The following SLC17A1 variants were observed in gnomAD, a reference collection of about 807,000 sequenced individuals.
SLC17A1 encodes sodium-dependent phosphate transport protein 1.
A neutral mutation model predicts 53.5 loss-of-function variants in SLC17A1; 51 were observed. That is an observed-to-expected ratio of 0.95 (90% CI 0.76 to 1.20). The LOEUF is 1.20. SLC17A1 is among the 50% of genes most tolerant of loss of function. The probability of loss-of-function intolerance (pLI) is 0.00; values close to 1 mark genes in which losing one functional copy is unlikely to be tolerated. For missense variants in SLC17A1, 538 were observed against 568.2 expected (o/e 0.95, Z 0.54); for synonymous variants, 179 against 198.8 (o/e 0.90, Z 0.84).
At chr6:25,778,161 A>G (rs765275566), downstream of SLC17A1, 381 of 596,300 alleles carry the variant, frequency 6.4e-4, 1 homozygote, top group Non-Finnish European at 7.6e-4. Context: ...AGAATTAAAG[A>G]AACTTAAGAT....
At chr6:25,743,845 G>T in the SLC17A1 span, among the ~76,000 whole-genome samples, 1 of 152,156 alleles carries the variant, frequency 6.6e-6, no homozygotes, top group Non-Finnish European at 1.5e-5. Flanking sequence ...AAATGTGAAA[G>T]AAAGCTGTGC....
the SLC17A1 span, chr6:25,726,952 G>A: frequency 1.9e-6 from 3 of 1,614,068 alleles, no homozygotes; most frequent in South Asian, 2.2e-5. Flanking sequence ...TCCAAGAAGG[G>A]CTTTAAGAAA....
At position 25,819,713 on chromosome 6, in the gene SLC17A1, A is replaced by G; in HGVS notation, c.410T>C (p.Val137Ala). ...TGCTCCCTGAACTGCTCGACATACA[A>G]CGACCCAAGCTACTCCAATTCCAGC... ...PAAGIGVAWV[V>A]VCRAVQGAAQ... The change falls in exon 4 of 13, where the codon GTT becomes GCT. Residue 137 changes from valine to alanine, a missense_variant. Val to Ala is a moderately conservative substitution (Grantham distance 64). Coordinates refer to ENST00000244527, the MANE Select transcript of SLC17A1 (RefSeq NM_005074.5). The G allele has an allele frequency of 1.2e-6, 2 of 1,614,198 alleles. No individual in the cohort carries two copies. Among genetic ancestry groups the G allele is most frequent in the Non-Finnish European group, 1.7e-6 (2 of 1,180,026 alleles).
Position 25,819,933 on chromosome 6 carries a change from A to T in SLC17A1, c.208-18T>A, listed in dbSNP as rs1417038168. On this transcript the variant is annotated intron_variant, in intron 3 of 12. Coordinates refer to ENST00000244527, the MANE Select transcript of SLC17A1 (RefSeq NM_005074.5). ...ATAGGGTTCTAAAAGACAAGGGGGG[A>T]CATGTCGAATCACTCTGCATATCAG... is the stretch of plus-strand genomic sequence containing the variant. 3 of 1,520,900 alleles carry T rather than the reference A, an allele frequency of 2.0e-6. No homozygotes were observed. The highest frequency in any genetic ancestry group is 1.4e-5 in the African/African-American group (1 of 72,656). 94.2% of individuals were successfully genotyped at this position (1,520,900 alleles called of 1,614,324 possible). A position where few individuals can be genotyped will look rare whatever the true frequency, so the allele number is the denominator to read the frequency against.
the SLC17A1 span, among the ~76,000 whole-genome samples, chr6:25,760,687 T>C: frequency 6.6e-6 from 1 of 152,218 alleles, no homozygotes; most frequent in Non-Finnish European, 1.5e-5. Flanking sequence ...CTTTATTCTG[T>C]ACAATTTACA....
chr6:25,779,361 A>T, downstream of SLC17A1: 1 of 755,800 alleles, frequency 1.3e-6, no homozygotes, highest in Non-Finnish European at 2.1e-6. Flanking sequence ...CACGCTAGTT[A>T]TTTAACTGCA....
At chr6:25,740,803 T>G in the SLC17A1 span, among the ~76,000 whole-genome samples, 1 of 152,182 alleles carries the variant, frequency 6.6e-6, no homozygotes, top group African/African-American at 2.4e-5. Context: ...TGACTGGAAT[T>G]TAAAAATGTG....
the SLC17A1 span, among the ~76,000 whole-genome samples, chr6:25,762,517 A>AG: frequency 6.6e-6 from 1 of 152,200 alleles, no homozygotes; most frequent in Non-Finnish European, 1.5e-5. Context: ...TATAATATGC[A>AG]TTAAGGGAAA....
chr6:25,767,194 G>A, the SLC17A1 span, among the ~76,000 whole-genome samples: 1 of 152,020 alleles, frequency 6.6e-6, no homozygotes, highest in East Asian at 1.9e-4. Flanking sequence ...AACAAAGCTA[G>A]TATAGCAAAA....
chr6:25,732,519 G>C, the SLC17A1 span: 1 of 435,922 alleles, frequency 2.3e-6, no homozygotes, highest in Non-Finnish European at 4.3e-6. Flanking sequence ...CCCCGTGGGC[G>C]GTGTCAACGG....
intron 2 of SLC17A1, among the ~76,000 whole-genome samples, chr6:25,829,754 T>C (rs187803302): frequency 6.6e-6 from 1 of 152,218 alleles, no homozygotes; most frequent in East Asian, 1.9e-4. Flanking sequence ...TGTGCATCTG[T>C]AAATATATTT....
At chr6:25,784,572 A>T (rs35720558) in intron 12 of SLC17A1, among the ~76,000 whole-genome samples, 1 of 152,010 alleles carries the variant, frequency 6.6e-6, no homozygotes, top group Non-Finnish European at 1.5e-5. Context: ...GACAGCACCA[A>T]GCTGTCATGA....
the SLC17A1 span, among the ~76,000 whole-genome samples, chr6:25,763,154 T>C: frequency 6.6e-6 from 1 of 152,312 alleles, no homozygotes; most frequent in East Asian, 1.9e-4. Context: ...CTATGGTCTT[T>C]CTGGTTCCTT....
the SLC17A1 span, chr6:25,731,946 C>G: frequency 9.1e-5 from 145 of 1,599,228 alleles, no homozygotes; most frequent in East Asian, 2.3e-3. Context: ...ACAGGCAATG[C>G]GCTCAAAAAT....
chr6:25,732,781 G>A, the SLC17A1 span: 2 of 908,446 alleles, frequency 2.2e-6, no homozygotes, highest in Admixed American at 4.0e-5. Flanking sequence ...CTGTGCTGCT[G>A]TCCCAAAGGA....
chr6:25,825,319 G>GGACAAAAATTGAAAGACAAAAATTGAAA (rs61078903), intron 3 of SLC17A1, among the ~76,000 whole-genome samples: 1 of 150,822 alleles, frequency 6.6e-6, no homozygotes, highest in Non-Finnish European at 1.5e-5. Flanking sequence ...GAAAATTGAA[G>GGACAAAAATTGAAAGACAAAAATTGAAA]GACAAAAATT....
intron 3 of SLC17A1, among the ~76,000 whole-genome samples, chr6:25,823,399 T>C (rs1301590724): frequency 1.3e-5 from 2 of 152,160 alleles, no homozygotes; most frequent in Admixed American, 6.6e-5. Context: ...ACAAAGTGTA[T>C]TCCAAAGTGG....
intron 12 of SLC17A1, among the ~76,000 whole-genome samples, chr6:25,783,894 G>A (rs548572559): frequency 4.8e-4 from 73 of 151,788 alleles, no homozygotes; most frequent in Admixed American, 1.2e-3. Context: ...TCTCTGGCAA[G>A]TTGGGCTGAA....
At chr6:25,774,874 C>A in the SLC17A1 span, among the ~76,000 whole-genome samples, 2 of 152,242 alleles carry the variant, frequency 1.3e-5, no homozygotes, top group Non-Finnish European at 2.9e-5. Context: ...GCTTACGCAT[C>A]TGTAAAATGA....
Sources: gnomAD v4.1 joint callset for allele counts (sites outside exome capture counted in the v4.1 genomes callset) on GRCh38, gnomAD v4.1.1 for gene constraint, MANE v1.5 for transcripts, NCBI Gene and HGNC (gene_info 2026-07-23, HGNC 2026-07-21) for gene names.